XRCC2: variants seen among roughly 807,000 people sequenced by gnomAD.
The protein encoded by XRCC2 is DNA repair protein XRCC2.
Under a neutral mutation model 27.3 loss-of-function variants are expected in XRCC2, and 24 were observed. The ratio of observed to expected loss-of-function variants is 0.88; its 90% CI spans 0.64 to 1.24. The LOEUF (loss-of-function observed/expected upper bound fraction) is 1.24, where lower values mean the gene tolerates loss of function less well. Ranked by LOEUF, XRCC2 falls within the 50% of genes most tolerant of loss-of-function variation. XRCC2 has a pLI of 0.00. For synonymous variants in XRCC2, 106 were observed against 115.4 expected (o/e 0.92, Z 0.52); for missense variants, 321 against 325.8 (o/e 0.99, Z 0.11).
At chr7:152,675,986 C>A in intron 1 of XRCC2, 55 bp downstream of exon 1, 1 of 1,610,508 alleles carries the variant, frequency 6.2e-7, no homozygotes, top group South Asian at 1.1e-5. Context: ...CGGCTCCCCT[C>A]GCCCACCGGC....
chr7:152,660,651 A>G (rs1473617785), intron 2 of XRCC2, 50 bp downstream of exon 2: 1 of 1,515,814 alleles, frequency 6.6e-7, no homozygotes, highest in African/African-American at 1.4e-5. Context: ...TATGTGAAAA[A>G]TCCTTTTATA....
chr7:152,669,054 C>A (rs2098037146), intron 1 of XRCC2, among the ~76,000 whole-genome samples: 1 of 152,064 alleles, frequency 6.6e-6, no homozygotes, highest in Non-Finnish European at 1.5e-5. Flanking sequence ...AATATGAGTA[C>A]AAGGACTAAA....
chr7:152,669,839 T>G (rs1161388597), intron 1 of XRCC2, among the ~76,000 whole-genome samples: 1 of 151,700 alleles, frequency 6.6e-6, no homozygotes, highest in East Asian at 2.0e-4. Context: ...GGCTCATGCC[T>G]GTAATCCCAG....
intron 1 of XRCC2, 88 bp from the exon 2 acceptor site, chr7:152,660,870 A>T: frequency 2.6e-6 from 3 of 1,173,532 alleles, no homozygotes; most frequent in Non-Finnish European, 3.6e-6. Flanking sequence ...GAAAGTCTGT[A>T]AGATTTCATA....
chr7:152,652,916 C>T (rs1407759026), intron 2 of XRCC2, among the ~76,000 whole-genome samples: 1 of 152,120 alleles, frequency 6.6e-6, no homozygotes. Flanking sequence ...CCAGGGTTGA[C>T]ACAGGGACCA....
chr7:152,666,868 T>C (rs1375783821), intron 1 of XRCC2, among the ~76,000 whole-genome samples: 1 of 151,846 alleles, frequency 6.6e-6, no homozygotes, highest in African/African-American at 2.4e-5. Flanking sequence ...TCCACCCGCC[T>C]CAGCCTCCCA....
At chr7:152,671,184 C>T (rs753403862) in intron 1 of XRCC2, among the ~76,000 whole-genome samples, 4 of 152,192 alleles carry the variant, frequency 2.6e-5, no homozygotes, top group Middle Eastern at 3.4e-3. Flanking sequence ...CCCTGCACTC[C>T]AGCCTGGGCG....
In XRCC2 at chr7:152,647,036, A is replaced by G. The variant is rs992833615; in HGVS notation, c.*1606T>C. On this transcript the variant is annotated 3_prime_UTR_variant, in exon 3 of 3. Coordinates refer to ENST00000359321, the MANE Select transcript of XRCC2 (RefSeq NM_005431.2). ...ACATTTCCACCAACAGTGTATAAGC[A>G]TATCTTTTTCTCCACAACCTCACCA... 8 of 152,108 alleles carry G rather than the reference A, an allele frequency of 5.3e-5. No individual in the cohort carries two copies. The highest frequency in any genetic ancestry group is 1.2e-4 in the African/African-American group (5 of 41,406). The allele number at this position is 152,108 out of a possible 1,614,324, so 9.4% of individuals were successfully genotyped here.
chr7:152,660,669 G>A, intron 2 of XRCC2, 32 bp downstream of exon 2: 1 of 1,559,516 alleles, frequency 6.4e-7, no homozygotes, highest in East Asian at 2.2e-5. Context: ...ATAAAGATTT[G>A]CATTTATTTA....
intron 1 of XRCC2, among the ~76,000 whole-genome samples, chr7:152,668,291 T>A (rs2098036791): frequency 6.6e-6 from 1 of 152,166 alleles, no homozygotes; most frequent in Admixed American, 6.6e-5. Flanking sequence ...ACACACTACC[T>A]GTTCATTACT....
chr7:152,668,813 C>CTAT (rs2098037008), intron 1 of XRCC2, among the ~76,000 whole-genome samples: 1 of 152,176 alleles, frequency 6.6e-6, no homozygotes, highest in African/African-American at 2.4e-5. Context: ...GTTCTATTAT[C>CTAT]GTAACAATAG....
Position 152,662,393 on chromosome 7 carries a change from C to T in XRCC2, c.40-1611G>A, listed in dbSNP as rs549491753. On this transcript the variant is annotated intron_variant, in intron 1 of 2. Coordinates refer to ENST00000359321, the MANE Select transcript of XRCC2 (RefSeq NM_005431.2). ...TGGAGGAGGAGTGTCTGCACCATGA[C>T]GGAAGTCATTAGGATCACAGGGGGC... Among the ~76,000 whole-genome samples, 68 of 150,886 alleles carry T rather than the reference C, an allele frequency of 4.5e-4. No individual in the cohort carries two copies. The Middle Eastern group carries it at 0.01, about 23-fold the overall frequency.
chr7:152,675,769 C>G (rs1252511967), intron 1 of XRCC2, among the ~76,000 whole-genome samples: 1 of 152,168 alleles, frequency 6.6e-6, no homozygotes, highest in Non-Finnish European at 1.5e-5. Context: ...TCGATCTGGG[C>G]AGGCAGCAAG....
intron 2 of XRCC2, among the ~76,000 whole-genome samples, chr7:152,654,783 A>G (rs1469215928): frequency 6.6e-6 from 1 of 152,234 alleles, no homozygotes; most frequent in African/African-American, 2.4e-5. Context: ...TTACACATTA[A>G]TAGCAAAGCA....
At chr7:152,658,217 T>C (rs1413499820) in intron 2 of XRCC2, among the ~76,000 whole-genome samples, 7 of 151,990 alleles carry the variant, frequency 4.6e-5, no homozygotes, top group Non-Finnish European at 7.4e-5. Flanking sequence ...CAATCTTGGC[T>C]CACTGCAAGC....
At position 152,660,788 on chromosome 7, in the gene XRCC2, A is replaced by G; in HGVS notation, c.40-6T>C. ...CCTTCAAGTCGGGCAAGGAGCTTAT[A>G]AAAGAAGAGAGAAGGAAAACTCATT... On this transcript the variant is annotated splice_region_variant and splice_polypyrimidine_tract_variant and intron_variant, in intron 1 of 2. Coordinates refer to ENST00000359321, the MANE Select transcript of XRCC2 (RefSeq NM_005431.2). The G allele has an allele frequency of 6.3e-7, 1 of 1,599,876 alleles. No individual in the cohort carries two copies.
At chr7:152,668,469 G>A (rs549579674) in intron 1 of XRCC2, among the ~76,000 whole-genome samples, 1 of 152,318 alleles carries the variant, frequency 6.6e-6, no homozygotes, top group African/African-American at 2.4e-5. Context: ...TTCAAGGAAA[G>A]AGTCAATAGA....
rs1043636944 is a variant in XRCC2, at chr7:152,676,064, G to A, written c.16C>T (p.His6Tyr). MCSAF[H>Y]RAESGTELLA... ...ACCTCGGTCCCAGACTCAGCCCTAT[G>A]GAAGGCACTACACATCGCCCCGAAG... Residue 6 changes from histidine (H) to tyrosine (Y), a missense_variant, in exon 1 of 3, where the codon CAT becomes TAT. By Grantham distance (83) the His-to-Tyr change is moderately conservative (BLOSUM62 2). Transcript: ENST00000359321. The A allele has an allele frequency of 1.2e-6, 2 of 1,613,746 alleles. No homozygotes were observed. The highest frequency in any genetic ancestry group is 1.7e-6 in the Non-Finnish European group (2 of 1,179,826).
At chr7:152,666,265 G>A (rs1245863240) in intron 1 of XRCC2, among the ~76,000 whole-genome samples, 1 of 151,532 alleles carries the variant, frequency 6.6e-6, no homozygotes, top group Non-Finnish European at 1.5e-5. Context: ...GCTGGAGTGT[G>A]CAGTGATGAC....
Sources: allele counts gnomAD v4.1 joint callset (sites outside exome capture counted in the v4.1 genomes callset), GRCh38; gene constraint gnomAD v4.1.1; transcripts MANE v1.5; gene names NCBI Gene and HGNC (gene_info 2026-07-23, HGNC 2026-07-21).